Variants in MYO3A observed in about 807,000 individuals in gnomAD.
MYO3A encodes myosin IIIA, also known as myosin-IIIa.
Under a neutral mutation model 192.7 loss-of-function variants are expected in MYO3A, and 180 were observed. The ratio of observed to expected loss-of-function variants is 0.93; its 90% CI spans 0.83 to 1.06. The LOEUF (loss-of-function observed/expected upper bound fraction) is 1.06, where lower values mean the gene tolerates loss of function less well. Among genes scored for constraint, MYO3A ranks in the 50% least tolerant of loss-of-function variants. The pLI is 0.00. For synonymous variants in MYO3A, 628 were observed against 645.3 expected (o/e 0.97, Z 0.41); for missense variants, 1,896 against 1,905.0 (o/e 1.00, Z 0.09).
chr10:26,080,299 T>C (rs532826315), intron 14 of MYO3A, among the ~76,000 whole-genome samples: 142 of 152,288 alleles, frequency 9.3e-4, no homozygotes, highest in Non-Finnish European at 1.9e-3. Flanking sequence ...TTCTTTCTTC[T>C]ACTTGTTCAA....
At chr10:25,974,255 C>A (rs1017413820) in intron 4 of MYO3A, among the ~76,000 whole-genome samples, 1 of 152,114 alleles carries the variant, frequency 6.6e-6, no homozygotes, top group Non-Finnish European at 1.5e-5. Flanking sequence ...ATGTAACAAA[C>A]CTGCACATTC....
intron 25 of MYO3A, 41 bp downstream of exon 25, chr10:26,154,864 A>G (rs1296687628): frequency 3.9e-6 from 6 of 1,529,960 alleles, no homozygotes; most frequent in African/African-American, 2.7e-5. Flanking sequence ...TAGGGGTGCT[A>G]TTTAGTCTAA....
chr10:26,051,966 C>T (rs1433434498), intron 10 of MYO3A, among the ~76,000 whole-genome samples: 1 of 151,930 alleles, frequency 6.6e-6, no homozygotes, highest in East Asian at 1.9e-4. Context: ...AATGAATGAG[C>T]AAGAAGCATT....
chr10:26,028,854 G>C (rs754770691), intron 10 of MYO3A, among the ~76,000 whole-genome samples: 3 of 152,088 alleles, frequency 2.0e-5, no homozygotes, highest in Non-Finnish European at 4.4e-5. Flanking sequence ...GTCCACACTT[G>C]GCTTGCCTCA....
At chr10:26,170,321 T>C in intron 28 of MYO3A, 95 bp from the exon 29 acceptor site, 1 of 1,369,656 alleles carries the variant, frequency 7.3e-7, no homozygotes, top group Non-Finnish European at 1.0e-6. Flanking sequence ...TTTTCCTCTT[T>C]GACATCAATG....
At chr10:26,006,875 A>G (rs1841254601) in intron 6 of MYO3A, among the ~76,000 whole-genome samples, 2 of 151,544 alleles carry the variant, frequency 1.3e-5, no homozygotes, top group South Asian at 2.1e-4. Context: ...TCCCTAACTC[A>G]TTTTATGAGG....
At chr10:26,202,894 A>G in intron 33 of MYO3A, 70 bp from the exon 34 acceptor site, 1 of 1,539,270 alleles carries the variant, frequency 6.5e-7, no homozygotes, top group Admixed American at 1.7e-5. Flanking sequence ...AAGAAAAAAA[A>G]GTATCCTGTA....
At chr10:25,960,111 A>T (rs903016207) in intron 4 of MYO3A, among the ~76,000 whole-genome samples, 3 of 151,558 alleles carry the variant, frequency 2.0e-5, no homozygotes, top group Non-Finnish European at 4.4e-5. Flanking sequence ...AATTTATTGA[A>T]TTTTTTTGCT....
intron 31 of MYO3A, among the ~76,000 whole-genome samples, chr10:26,186,836 T>A (rs1002374678): frequency 6.6e-6 from 1 of 152,232 alleles, no homozygotes; most frequent in Non-Finnish European, 1.5e-5. Context: ...GTCTATCATG[T>A]GTCTTTTGAC....
At chr10:26,146,684 C>A (rs1489795248) in intron 22 of MYO3A, among the ~76,000 whole-genome samples, 1 of 152,066 alleles carries the variant, frequency 6.6e-6, no homozygotes, top group African/African-American at 2.4e-5. Context: ...CCATAAAGGC[C>A]CTGTCTCCAA....
At chr10:26,128,272 T>C in intron 19 of MYO3A, 119 bp from the exon 20 acceptor site, 1 of 1,017,738 alleles carries the variant, frequency 9.8e-7, no homozygotes, top group Middle Eastern at 2.3e-4. Flanking sequence ...AGTTTCACTC[T>C]AAGTGTATGT....
intron 6 of MYO3A, among the ~76,000 whole-genome samples, chr10:25,999,623 A>G (rs1840657115): frequency 6.6e-6 from 1 of 152,218 alleles, no homozygotes; most frequent in Admixed American, 6.5e-5. Flanking sequence ...AAAGGGTTAT[A>G]GAATCAATTT....
chr10:26,052,066 A>G (rs553132483), intron 10 of MYO3A, among the ~76,000 whole-genome samples: 2 of 152,322 alleles, frequency 1.3e-5, no homozygotes, highest in East Asian at 3.9e-4. Flanking sequence ...ACTATGTATA[A>G]AATCTCTTGG....
intron 26 of MYO3A, among the ~76,000 whole-genome samples, chr10:26,161,850 C>T (rs1324832172): frequency 1.3e-5 from 2 of 152,204 alleles, no homozygotes; most frequent in South Asian, 2.1e-4. Context: ...TCCATAAGCA[C>T]GTGTGGCTTA....
At chr10:26,055,080 C>T (rs1844234405) in intron 10 of MYO3A, among the ~76,000 whole-genome samples, 2 of 152,214 alleles carry the variant, frequency 1.3e-5, no homozygotes, top group African/African-American at 4.8e-5. Context: ...CAGGATCTAC[C>T]TAAGGCAGCA....
chr10:26,065,592 A>G (rs1374889323), intron 10 of MYO3A, among the ~76,000 whole-genome samples: 2 of 110,022 alleles, frequency 1.8e-5, no homozygotes, highest in Non-Finnish European at 2.2e-5. Flanking sequence ...CTCCAAAAAA[A>G]AAAAAAAAAA....
chr10:26,151,910 G>A (rs189007265), intron 23 of MYO3A, among the ~76,000 whole-genome samples: 3 of 152,286 alleles, frequency 2.0e-5, no homozygotes, highest in Admixed American at 6.5e-5. Flanking sequence ...TTTTCATTTT[G>A]TATGTCTTTT....
chr10:26,098,466 T>G (rs996962458), intron 17 of MYO3A, among the ~76,000 whole-genome samples: 1 of 152,210 alleles, frequency 6.6e-6, no homozygotes, highest in Non-Finnish European at 1.5e-5. Flanking sequence ...TTTTGGTGTT[T>G]TAGACATGAA....
chr10:25,955,536 AG>A (rs1196899887), intron 4 of MYO3A, among the ~76,000 whole-genome samples: 1 of 152,144 alleles, frequency 6.6e-6, no homozygotes, highest in East Asian at 1.9e-4. Flanking sequence ...GCTAAAGGAA[AG>A]CTGTAGTGTC....
Sources: allele counts gnomAD v4.1 joint callset (sites outside exome capture counted in the v4.1 genomes callset), GRCh38; gene constraint gnomAD v4.1.1; transcripts MANE v1.5; gene names NCBI Gene and HGNC (gene_info 2026-07-23, HGNC 2026-07-21).